WIPF2: variants seen among roughly 807,000 people sequenced by gnomAD.
The protein encoded by WIPF2 is WAS/WASL interacting protein family member 2.
WIPF2 carries 23 observed loss-of-function variants against 38.8 expected under a neutral mutation model. The observed-to-expected ratio is 0.59, with a 90% CI of 0.43 to 0.84. WIPF2 has a LOEUF of 0.84. Among genes scored for constraint, WIPF2 ranks in the 40% least tolerant of loss-of-function variants. WIPF2 has a pLI of 0.00. For missense variants in WIPF2, 574 were observed against 580.5 expected (o/e 0.99, Z 0.11); for synonymous variants, 210 against 223.2 (o/e 0.94, Z 0.53).
intron 1 of WIPF2, among the ~76,000 whole-genome samples, chr17:40,252,619 A>T (rs1188746812): frequency 6.7e-6 from 1 of 149,684 alleles, no homozygotes; most frequent in Non-Finnish European, 1.5e-5. Flanking sequence ...AGCCGAGATG[A>T]TGTTACTGTA....
rs60253561 is a variant in WIPF2 at position 40,219,368 on chromosome 17, TGGCGGCGGCGGCGGCGGCGGC to T, written c.-183_-163del. The T allele has an allele frequency of 2.1e-5, 8 of 379,642 alleles. No individual in the cohort carries two copies. Among genetic ancestry groups the T allele is most frequent in the African/African-American group, 7.0e-5 (3 of 42,738 alleles). The allele number at this position is 379,642 out of a possible 1,614,324, so 23.5% of individuals were successfully genotyped here. A position where few individuals can be genotyped will look rare whatever the true frequency, so the allele number is the denominator to read the frequency against. ...ATTTCCGGGTTGGCAAAAGGGGCGG[TGGCGGCGGCGGCGGCGGCGGC>T]GGCGGCGGCGACGGCGAGAAAGAGC... On this transcript the variant is annotated 5_prime_UTR_variant, in exon 1 of 8. Transcript: ENST00000323571.
intron 2 of WIPF2, among the ~76,000 whole-genome samples, chr17:40,256,931 A>T (rs930782743): frequency 6.6e-6 from 1 of 152,130 alleles, no homozygotes; most frequent in Non-Finnish European, 1.5e-5. Context: ...TATTTGCTGT[A>T]TAAAAGTTAG....
intron 5 of WIPF2, among the ~76,000 whole-genome samples, chr17:40,271,801 A>G (rs1012818170): frequency 2.6e-4 from 39 of 152,332 alleles, no homozygotes; most frequent in African/African-American, 8.9e-4. Flanking sequence ...CTGGAACATA[A>G]TAGATACCCA....
intron 1 of WIPF2, among the ~76,000 whole-genome samples, chr17:40,235,503 C>A (rs1025612529): frequency 6.6e-6 from 1 of 151,206 alleles, no homozygotes; most frequent in Non-Finnish European, 1.5e-5. Context: ...CTCTTCTCAT[C>A]ATTGAAGCAC....
intron 4 of WIPF2, among the ~76,000 whole-genome samples, chr17:40,263,169 A>T (rs1045627565): frequency 2.0e-5 from 3 of 152,048 alleles, no homozygotes; most frequent in Admixed American, 6.6e-5. Context: ...TTTTTTTGGC[A>T]CCAGGGACTG....
At chr17:40,265,274 C>A in intron 5 of WIPF2, 128 bp downstream of exon 5, 3 of 1,195,944 alleles carry the variant, frequency 2.5e-6, no homozygotes, top group East Asian at 2.5e-5. Flanking sequence ...TTTTATGTGT[C>A]AGGTCTGTTG....
intron 1 of WIPF2, among the ~76,000 whole-genome samples, chr17:40,226,892 C>T (rs537933761): frequency 6.6e-6 from 1 of 152,076 alleles, no homozygotes; most frequent in Admixed American, 6.6e-5. Context: ...CAGGTGCACG[C>T]CACCATGCCC....
rs950115089 is a variant in WIPF2 at position 40,273,737 on chromosome 17, T to C, written c.971-53T>C. 7.9e-6 allele frequency: 9 copies of C among 1,140,632 alleles called. No homozygotes were observed. The Middle Eastern group carries it at 2.5e-3, about 319-fold the overall frequency. 70.7% of individuals were successfully genotyped at this position (1,140,632 alleles called of 1,614,324 possible). A position where few individuals can be genotyped will look rare whatever the true frequency, so the allele number is the denominator to read the frequency against. ...TTAGCTCATGTGTTTCAAGTCATTC[T>C]ACCCCTTGCCGTCTCCACATCCAAA... is the stretch of plus-strand genomic sequence containing the variant. On this transcript the variant is annotated intron_variant, in intron 5 of 7. Transcript: ENST00000323571.
chr17:40,253,287 C>T (rs972538884), intron 1 of WIPF2, among the ~76,000 whole-genome samples: 3 of 152,000 alleles, frequency 2.0e-5, no homozygotes, highest in Non-Finnish European at 4.4e-5. Context: ...TGGTCTCCAT[C>T]TCCTGACCTC....
Position 40,263,147 on chromosome 17 carries a change from A to T in WIPF2, c.313+506A>T, listed in dbSNP as rs142570379. On this transcript the variant is annotated intron_variant, in intron 4 of 7. Transcript: ENST00000323571. Reference sequence around the variant, plus strand: ...GGGGTAAGTTTTAGTGATCTATTGCAGCAGTCCCCAGTTTTTTTGGCACCA... The same window carrying T: ...GGGGTAAGTTTTAGTGATCTATTGCTGCAGTCCCCAGTTTTTTTGGCACCA... 1.7e-3 allele frequency among the ~76,000 whole-genome samples: 252 copies of T among 152,274 alleles called. 1 individual carries two copies. Among genetic ancestry groups the T allele is most frequent in the African/African-American group, 5.8e-3 (243 of 41,546 alleles).
intron 2 of WIPF2, among the ~76,000 whole-genome samples, chr17:40,259,436 TAA>T (rs879789712): frequency 1.8e-4 from 24 of 132,366 alleles, no homozygotes; most frequent in Non-Finnish European, 1.3e-4. Flanking sequence ...GACTCTGTCT[TAA>T]AAAAAAAAAA....
At chr17:40,255,192 C>G (rs542304860) in intron 1 of WIPF2, among the ~76,000 whole-genome samples, 2 of 152,204 alleles carry the variant, frequency 1.3e-5, no homozygotes, top group African/African-American at 4.8e-5. Flanking sequence ...CAAAAACAAC[C>G]CAATTAAAAA....
At chr17:40,225,648 G>C (rs1410311962) in intron 1 of WIPF2, among the ~76,000 whole-genome samples, 2 of 152,234 alleles carry the variant, frequency 1.3e-5, no homozygotes, top group Non-Finnish European at 2.9e-5. Context: ...TTTTGGGATG[G>C]ATCGTGAAGA....
At chr17:40,243,817 G>A (rs2031273038) in intron 1 of WIPF2, among the ~76,000 whole-genome samples, 2 of 152,044 alleles carry the variant, frequency 1.3e-5, no homozygotes, top group East Asian at 1.9e-4. Flanking sequence ...CACCACGCCC[G>A]GCCCGATTTT....
intron 1 of WIPF2, among the ~76,000 whole-genome samples, chr17:40,250,584 A>G (rs1256484365): frequency 2.0e-5 from 3 of 151,890 alleles, no homozygotes; most frequent in African/African-American, 7.3e-5. Context: ...GGCTTAAGAA[A>G]GGAATGAGAA....
chr17:40,273,605 A>G (rs1266417721), intron 5 of WIPF2, 185 bp from the exon 6 acceptor site: 14 of 564,804 alleles, frequency 2.5e-5, no homozygotes, highest in Non-Finnish European at 3.8e-5. Context: ...TAAAAAGGCC[A>G]TACATTTATT....
At chr17:40,246,473 A>G (rs2031368222) in intron 1 of WIPF2, among the ~76,000 whole-genome samples, 1 of 143,414 alleles carries the variant, frequency 7.0e-6, no homozygotes, top group African/African-American at 2.6e-5. Flanking sequence ...GTCTCGGCTC[A>G]CTGCAACCTC....
Position 40,235,064 on chromosome 17 carries a change from G to A in WIPF2, c.-70+15572G>A, listed in dbSNP as rs547675051. ...CTCCCTAGTAGCTGGGACAACAGGC[G>A]TCCGCCACCACGCCCAGCTAATTTT... On this transcript the variant is annotated intron_variant, in intron 1 of 7. Coordinates refer to ENST00000323571, the MANE Select transcript of WIPF2 (RefSeq NM_133264.5). Among the ~76,000 whole-genome samples, 9 of 151,992 alleles carry A rather than the reference G, an allele frequency of 5.9e-5. No homozygotes were observed. In the South Asian group the frequency reaches 1.0e-3, roughly 18 times the overall value.
At position 40,278,390 on chromosome 17, in the gene WIPF2, C is replaced by G. The variant is rs1405006935; in HGVS notation, c.*165C>G. 1 of 739,602 alleles carries G rather than the reference C, an allele frequency of 1.4e-6. No individual in the cohort carries two copies. The highest frequency in any genetic ancestry group is 1.8e-5 in the African/African-American group (1 of 56,268). The allele number at this position is 739,602 out of a possible 1,614,324, so 45.8% of individuals were successfully genotyped here. On this transcript the variant is annotated 3_prime_UTR_variant, in exon 8 of 8. Coordinates refer to ENST00000323571, the MANE Select transcript of WIPF2 (RefSeq NM_133264.5). ...TCCCAGCTCACCTCCATCTATGCAT[C>G]TCATCTCTGGATTTGGTGATCAGAC... is the stretch of plus-strand genomic sequence containing the variant.
Sources: gnomAD v4.1 joint callset for allele counts (sites outside exome capture counted in the v4.1 genomes callset) on GRCh38, gnomAD v4.1.1 for gene constraint, MANE v1.5 for transcripts, NCBI Gene and HGNC (gene_info 2026-07-23, HGNC 2026-07-21) for gene names.